The following RAB4A variants were observed in gnomAD, a reference collection of about 807,000 sequenced individuals.
The protein encoded by RAB4A is ras-related protein Rab-4A.
Under a neutral mutation model 34.5 loss-of-function variants are expected in RAB4A, and 20 were observed. The ratio of observed to expected loss-of-function variants is 0.58; its 90% CI spans 0.41 to 0.84. The LOEUF (loss-of-function observed/expected upper bound fraction) is 0.84. Among genes scored for constraint, RAB4A ranks in the 40% least tolerant of loss-of-function variants. The pLI, the probability that RAB4A is intolerant of heterozygous loss-of-function variation, is 0.00. For synonymous variants in RAB4A, 102 were observed against 100.0 expected, an observed-to-expected ratio of 1.02 and a Z score of -0.12; for missense variants, 228 against 274.5, an observed-to-expected ratio of 0.83 and a Z score of 1.20.
intron 7 of RAB4A, among the ~76,000 whole-genome samples, chr1:229,303,556 T>A (rs1398632324): frequency 6.6e-6 from 1 of 152,182 alleles, no homozygotes; most frequent in Non-Finnish European, 1.5e-5. Context: ...GAGGTCTAAA[T>A]GAATGTGCCT....
rs1423288791 is a variant in RAB4A, at chr1:229,297,582, G to A, written c.391G>A (p.Asp131Asn). The change falls in exon 5 of 8, where the codon GAT becomes AAT. Residue 131 changes from aspartate (D) to asparagine (N), a missense_variant. By Grantham distance (23) the Asp-to-Asn change is conservative (BLOSUM62 1). Transcript: ENST00000366690. ...CCTTTGTGGAAACAAGAAGGACCTG[G>A]ATGCAGATCGTGAAGTTACCTTCTT... ...IILCGNKKDL[D>N]ADREVTFLEA... 1 of 1,612,418 alleles carries A rather than the reference G, an allele frequency of 6.2e-7. No individual in the cohort carries two copies. Among genetic ancestry groups the A allele is most frequent in the Non-Finnish European group, 8.5e-7 (1 of 1,179,756 alleles).
intron 6 of RAB4A, among the ~76,000 whole-genome samples, chr1:229,302,128 G>C (rs1657398962): frequency 6.6e-6 from 1 of 150,384 alleles, no homozygotes; most frequent in Non-Finnish European, 1.5e-5. Context: ...TTTGGATAAG[G>C]ACTGCTCAAC....
chr1:229,296,891 G>T (rs1166467591), intron 4 of RAB4A, among the ~76,000 whole-genome samples: 1 of 152,228 alleles, frequency 6.6e-6, no homozygotes, highest in Non-Finnish European at 1.5e-5. Flanking sequence ...TTAGACACAT[G>T]AGGGCCAAAA....
chr1:229,275,847 AAAC>A (rs1656630217), intron 1 of RAB4A, among the ~76,000 whole-genome samples: 1 of 150,828 alleles, frequency 6.6e-6, no homozygotes, highest in African/African-American at 2.5e-5. Context: ...GCTGGCCTCC[AAAC>A]TCCTGACCTC....
intron 1 of RAB4A, among the ~76,000 whole-genome samples, chr1:229,281,959 CATA>C (rs1487904508): frequency 6.6e-6 from 1 of 151,550 alleles, no homozygotes; most frequent in Non-Finnish European, 1.5e-5. Flanking sequence ...AACAGTTAAA[CATA>C]ATGAAGAAAA....
chr1:229,275,614 C>CTT (rs1028884521), intron 1 of RAB4A, among the ~76,000 whole-genome samples: 37 of 131,042 alleles, frequency 2.8e-4, no homozygotes, highest in East Asian at 4.3e-4. Context: ...ATTTCTTTTC[C>CTT]TTTTTTTTTT....
At position 229,271,113 on chromosome 1, in the gene RAB4A, C is replaced by T. The variant is rs888211430; in HGVS notation, c.-227C>T. 2 of 356,136 alleles carry T rather than the reference C, an allele frequency of 5.6e-6. No individual in the cohort carries two copies. Among genetic ancestry groups the T allele is most frequent in the African/African-American group, 2.1e-5 (1 of 46,726 alleles). The allele number at this position is 356,136 out of a possible 1,614,324, so 22.1% of individuals were successfully genotyped here. On this transcript the variant is annotated 5_prime_UTR_variant, in exon 1 of 8. Coordinates refer to ENST00000366690, the MANE Select transcript of RAB4A (RefSeq NM_004578.4). ...CCGGGCCTCGCGTAGCCCATCTCCT[C>T]TTCCTCCTCGCGGTCGCGGCCGGAC...
At chr1:229,272,504 C>G (rs528929672) in intron 1 of RAB4A, among the ~76,000 whole-genome samples, 2 of 152,076 alleles carry the variant, frequency 1.3e-5, no homozygotes, top group African/African-American at 4.8e-5. Context: ...AATTGTGATA[C>G]TAATGAGTGA....
intron 1 of RAB4A, among the ~76,000 whole-genome samples, chr1:229,285,979 CA>C (rs1269263644): frequency 6.6e-6 from 1 of 152,242 alleles, no homozygotes; most frequent in Non-Finnish European, 1.5e-5. Flanking sequence ...TGCCGTTATA[CA>C]AATTACAGAT....
chr1:229,277,061 T>C (rs1267612459), intron 1 of RAB4A, among the ~76,000 whole-genome samples: 1 of 146,756 alleles, frequency 6.8e-6, no homozygotes, highest in Non-Finnish European at 1.5e-5. Context: ...TTATTTATAA[T>C]TTATATATAA....
In RAB4A at chr1:229,271,744, G is replaced by T. The variant is rs376997970; in HGVS notation, c.31+374G>T. ...GGTTTCAGCTGCGATATTATCCCCA[G>T]CGAGCCTGTGAAGGGCTTAGGGCGA... On this transcript the variant is annotated intron_variant, in intron 1 of 7. Transcript: ENST00000366690. Among the ~76,000 whole-genome samples, 8 of 152,340 alleles carry T rather than the reference G, an allele frequency of 5.3e-5. No homozygotes were observed. In the East Asian group the frequency reaches 1.5e-3, roughly 29 times the overall value.
intron 3 of RAB4A, among the ~76,000 whole-genome samples, chr1:229,293,448 C>T (rs1250319064): frequency 6.6e-6 from 1 of 152,240 alleles, no homozygotes; most frequent in Non-Finnish European, 1.5e-5. Flanking sequence ...CAGTTATCTC[C>T]TTGGCTTACA....
chr1:229,280,473 C>G (rs1328017487), intron 1 of RAB4A, among the ~76,000 whole-genome samples: 2 of 152,178 alleles, frequency 1.3e-5, no homozygotes, highest in Non-Finnish European at 1.5e-5. Flanking sequence ...GGTATTGTTT[C>G]CTTCTTGAAT....
intron 1 of RAB4A, among the ~76,000 whole-genome samples, chr1:229,284,486 C>T (rs1436194140): frequency 6.6e-6 from 1 of 152,142 alleles, no homozygotes; most frequent in Non-Finnish European, 1.5e-5. Context: ...TCCACCTGGG[C>T]TTTAAGGGTA....
intron 1 of RAB4A, among the ~76,000 whole-genome samples, 193 bp downstream of exon 1, chr1:229,271,563 G>GGGTGCGC (rs1656478624): frequency 6.6e-6 from 1 of 151,976 alleles, no homozygotes; most frequent in South Asian, 2.1e-4. Flanking sequence ...GTGGGGTAGC[G>GGGTGCGC]GGTGCGCGGG....
chr1:229,284,533 T>C (rs1372056591), intron 1 of RAB4A, among the ~76,000 whole-genome samples: 1 of 152,214 alleles, frequency 6.6e-6, no homozygotes, highest in East Asian at 1.9e-4. Context: ...TGATGGGTTG[T>C]TGTTGCCCCT....
chr1:229,302,309 A>ATTTTTTTTTT (rs869095524), intron 6 of RAB4A, among the ~76,000 whole-genome samples: 4 of 35,898 alleles, frequency 1.1e-4, no homozygotes, highest in Admixed American at 6.1e-4. Context: ...ATATATATAT[A>ATTTTTTTTTT]TTTTTTTTTT....
chr1:229,282,441 G>A (rs888898245), intron 1 of RAB4A, among the ~76,000 whole-genome samples: 3 of 152,108 alleles, frequency 2.0e-5, no homozygotes, highest in Non-Finnish European at 4.4e-5. Context: ...TCCTGTTTGA[G>A]TTCATTCAGC....
intron 1 of RAB4A, among the ~76,000 whole-genome samples, chr1:229,278,811 G>C (rs997921275): frequency 6.6e-6 from 1 of 152,214 alleles, no homozygotes; most frequent in Non-Finnish European, 1.5e-5. Context: ...TCAACTGACT[G>C]TAATTAGGAT....
Sources: allele counts gnomAD v4.1 joint callset (sites outside exome capture counted in the v4.1 genomes callset), GRCh38; gene constraint gnomAD v4.1.1; transcripts MANE v1.5; gene names NCBI Gene and HGNC (gene_info 2026-07-23, HGNC 2026-07-21).